SNX29: variants seen among roughly 807,000 people sequenced by gnomAD.
The protein encoded by SNX29 is sorting nexin-29.
In SNX29, 78 loss-of-function variants were observed where a neutral mutation model predicts 102.1. The ratio of observed to expected loss-of-function variants is 0.76; its 90% CI spans 0.64 to 0.92. SNX29 has a LOEUF of 0.92. Ranked by LOEUF, SNX29 falls within the 40% of genes least tolerant of loss-of-function variation. SNX29 has a pLI of 0.00. For synonymous variants in SNX29, 580 were observed against 414.5 expected, an observed-to-expected ratio of 1.40 and a Z score of -4.85; for missense variants, 1,280 against 1,061.7, an observed-to-expected ratio of 1.21 and a Z score of -2.86.
intron 15 of SNX29, among the ~76,000 whole-genome samples, chr16:12,291,125 T>A (rs2079779457): frequency 6.6e-6 from 1 of 152,166 alleles, no homozygotes; most frequent in South Asian, 2.1e-4. Flanking sequence ...CCTGTTTCTC[T>A]CTCTTTAGTG....
At chr16:12,527,700 C>A (rs1597750608) in intron 20 of SNX29, among the ~76,000 whole-genome samples, 1 of 152,004 alleles carries the variant, frequency 6.6e-6, no homozygotes, top group Non-Finnish European at 1.5e-5. Flanking sequence ...GTGTTTGGCA[C>A]CATAGCCCGT....
intron 20 of SNX29, among the ~76,000 whole-genome samples, chr16:12,550,410 C>T (rs967146259): frequency 1.3e-5 from 2 of 151,964 alleles, no homozygotes; most frequent in African/African-American, 2.4e-5. Context: ...TGGTGCACGC[C>T]TGTACTCCCA....
At chr16:12,230,330 T>C (rs961178763) in intron 14 of SNX29, among the ~76,000 whole-genome samples, 2 of 152,214 alleles carry the variant, frequency 1.3e-5, no homozygotes, top group Non-Finnish European at 1.5e-5. Context: ...TTGCAATAAA[T>C]AGCTTGTATT....
chr16:12,130,620 C>A (rs2054423765), intron 13 of SNX29, among the ~76,000 whole-genome samples: 1 of 152,020 alleles, frequency 6.6e-6, no homozygotes, highest in South Asian at 2.1e-4. Flanking sequence ...TTCTCTTATC[C>A]CAGCCACCCA....
intron 15 of SNX29, among the ~76,000 whole-genome samples, chr16:12,319,615 A>T (rs1417166782): frequency 6.6e-6 from 1 of 152,130 alleles, no homozygotes; most frequent in Non-Finnish European, 1.5e-5. Context: ...GTGTTAAATC[A>T]TCCTGGCAAG....
intron 9 of SNX29, among the ~76,000 whole-genome samples, chr16:12,067,994 G>A (rs1001678036): frequency 7.3e-6 from 1 of 136,882 alleles, no homozygotes; most frequent in Non-Finnish European, 1.6e-5. Context: ...ACTTAATGCA[G>A]GGAAAATTGG....
At chr16:12,072,856 G>A (rs2151314018) in intron 10 of SNX29, among the ~76,000 whole-genome samples, 1 of 152,140 alleles carries the variant, frequency 6.6e-6, no homozygotes, top group African/African-American at 2.4e-5. Context: ...TCCTGTTATT[G>A]GTCTATTCAG....
intron 13 of SNX29, among the ~76,000 whole-genome samples, chr16:12,130,893 A>C (rs2054436910): frequency 6.6e-6 from 1 of 151,464 alleles, no homozygotes; most frequent in Non-Finnish European, 1.5e-5. Flanking sequence ...TCGTTTAACC[A>C]GCCTGCTGAC....
chr16:12,168,263 G>A (rs897681672), intron 13 of SNX29, among the ~76,000 whole-genome samples: 1 of 152,222 alleles, frequency 6.6e-6, no homozygotes. Flanking sequence ...CATTTGAGCA[G>A]ATGAGGGTGG....
intron 14 of SNX29, among the ~76,000 whole-genome samples, chr16:12,245,215 C>T (rs906031067): frequency 2.0e-5 from 3 of 152,150 alleles, no homozygotes; most frequent in Non-Finnish European, 4.4e-5. Flanking sequence ...CCTGGCATTG[C>T]TCCCTATGAG....
chr16:11,978,822 G>C (rs1374922250), intron 1 of SNX29, among the ~76,000 whole-genome samples: 1 of 152,114 alleles, frequency 6.6e-6, no homozygotes, highest in Non-Finnish European at 1.5e-5. Context: ...CTACTTGGGA[G>C]GCTGAGGCAG....
At chr16:12,051,762 C>G in intron 7 of SNX29, 85 bp from the exon 8 acceptor site, 1 of 1,539,156 alleles carries the variant, frequency 6.5e-7, no homozygotes. Flanking sequence ...TAGTATTTTC[C>G]ATAACCTGGA....
At chr16:12,567,237 G>A (rs1312166449) in intron 20 of SNX29, among the ~76,000 whole-genome samples, 1 of 152,104 alleles carries the variant, frequency 6.6e-6, no homozygotes, top group Non-Finnish European at 1.5e-5. Flanking sequence ...AGAGCTAGCT[G>A]TGGACACAGT....
Position 12,347,120 on chromosome 16 carries a change from T to C in SNX29, c.1783-9043T>C, listed in dbSNP as rs56364088. ...TCAGTGTTCTGAGTGCTGAGGGGCT[T>C]GTTGCAGAGGTGATCAAGGGAACCT... is the stretch of plus-strand genomic sequence containing the variant. On this transcript the variant is annotated intron_variant, in intron 15 of 20. Coordinates refer to ENST00000566228, the MANE Select transcript of SNX29 (RefSeq NM_032167.5). Among the ~76,000 whole-genome samples the C allele has an allele frequency of 2.5e-3, 386 of 152,260 alleles. 1 individual carries two copies. Among genetic ancestry groups the C allele is most frequent in the Non-Finnish European group, 4.6e-3 (312 of 68,014 alleles).
chr16:12,456,109 C>T (rs1166782939), intron 18 of SNX29, among the ~76,000 whole-genome samples: 1 of 152,148 alleles, frequency 6.6e-6, no homozygotes, highest in South Asian at 2.1e-4. Flanking sequence ...TCCATTATTT[C>T]CAGGCACTGG....
intron 18 of SNX29, among the ~76,000 whole-genome samples, chr16:12,406,187 G>A (rs2084158252): frequency 6.6e-6 from 1 of 152,126 alleles, no homozygotes; most frequent in Non-Finnish European, 1.5e-5. Context: ...AAAGCGGAAA[G>A]CATATATATG....
At chr16:12,220,069 CCAGGGTCTCTTG>C in intron 14 of SNX29, among the ~76,000 whole-genome samples, 1 of 152,354 alleles carries the variant, frequency 6.6e-6, no homozygotes, top group Non-Finnish European at 1.5e-5. Context: ...TGCTGTTACT[CCAGGGTCTCTTG>C]CGACCTGCAG....
chr16:12,543,878 C>G (rs754292531), intron 20 of SNX29, among the ~76,000 whole-genome samples: 5 of 152,212 alleles, frequency 3.3e-5, no homozygotes, highest in African/African-American at 4.8e-5. Flanking sequence ...TACCACACTA[C>G]AAGAGCTTGC....
At chr16:12,201,306 G>T (rs2076909522) in intron 14 of SNX29, among the ~76,000 whole-genome samples, 1 of 152,000 alleles carries the variant, frequency 6.6e-6, no homozygotes, top group Admixed American at 6.6e-5. Flanking sequence ...TCTCATCTCT[G>T]TTTCTCCAGC....
Sources: gnomAD v4.1 joint callset for allele counts (sites outside exome capture counted in the v4.1 genomes callset) on GRCh38, gnomAD v4.1.1 for gene constraint, MANE v1.5 for transcripts, NCBI Gene and HGNC (gene_info 2026-07-23, HGNC 2026-07-21) for gene names.